TRIM2: variants seen among roughly 807,000 people sequenced by gnomAD.
The protein encoded by TRIM2 is tripartite motif-containing protein 2.
Under a neutral mutation model 75.2 loss-of-function variants are expected in TRIM2, and 20 were observed. That is an observed-to-expected ratio of 0.27 (90% CI 0.19 to 0.39). The LOEUF (loss-of-function observed/expected upper bound fraction) is 0.39. TRIM2 is among the 10% of genes least tolerant of loss of function. The probability of loss-of-function intolerance (pLI) is 1.00; values close to 1 mark genes in which losing one functional copy is unlikely to be tolerated. For missense variants in TRIM2, 660 were observed against 990.8 expected, an observed-to-expected ratio of 0.67 and a Z score of 4.48; for synonymous variants, 373 against 388.3, an observed-to-expected ratio of 0.96 and a Z score of 0.46.
intron 1 of TRIM2, among the ~76,000 whole-genome samples, chr4:153,194,558 G>A (rs1733568309): frequency 6.6e-6 from 1 of 152,182 alleles, no homozygotes; most frequent in African/African-American, 2.4e-5. Context: ...AAACGGGTCA[G>A]TGGATGCTTG....
intron 11 of TRIM2, among the ~76,000 whole-genome samples, chr4:153,331,276 T>C (rs1771419206): frequency 6.6e-6 from 1 of 152,156 alleles, no homozygotes; most frequent in Non-Finnish European, 1.5e-5. Context: ...TGAGCTATGA[T>C]TGTGCTACTG....
chr4:153,166,066 C>T (rs954283144), intron 1 of TRIM2, among the ~76,000 whole-genome samples: 1 of 152,048 alleles, frequency 6.6e-6, no homozygotes, highest in South Asian at 2.1e-4. Flanking sequence ...CCGTTGAAAT[C>T]TTTTCTTTTC....
chr4:153,305,310 C>T (rs1368185010), intron 6 of TRIM2, among the ~76,000 whole-genome samples: 2 of 151,892 alleles, frequency 1.3e-5, no homozygotes, highest in Non-Finnish European at 2.9e-5. Flanking sequence ...TTAATTAACA[C>T]CAAAAAAAGC....
chr4:153,209,070 C>G (rs1179432540), intron 1 of TRIM2, among the ~76,000 whole-genome samples: 1 of 152,144 alleles, frequency 6.6e-6, no homozygotes, highest in African/African-American at 2.4e-5. Flanking sequence ...AAACTGAGGT[C>G]CAGCAGCCAA....
intron 1 of TRIM2, among the ~76,000 whole-genome samples, chr4:153,193,474 A>G (rs375702107): frequency 6.6e-6 from 1 of 152,172 alleles, no homozygotes; most frequent in African/African-American, 2.4e-5. Context: ...TGCAAGTAGA[A>G]TTCTTTGTGG....
At chr4:153,329,040 T>A (rs1455019848) in intron 11 of TRIM2, among the ~76,000 whole-genome samples, 1 of 152,206 alleles carries the variant, frequency 6.6e-6, no homozygotes, top group Non-Finnish European at 1.5e-5. Context: ...TGCCTATGAC[T>A]TTGTCACCAA....
chr4:153,156,284 CT>C (rs1221666310), intron 1 of TRIM2, among the ~76,000 whole-genome samples: 1 of 152,142 alleles, frequency 6.6e-6, no homozygotes, highest in African/African-American at 2.4e-5. Context: ...TGGCCTCAGT[CT>C]TTTTAAAGGC....
At chr4:153,304,921 C>T (rs1276161542) in intron 6 of TRIM2, among the ~76,000 whole-genome samples, 1 of 152,102 alleles carries the variant, frequency 6.6e-6, no homozygotes, top group Non-Finnish European at 1.5e-5. Context: ...AACCTGGAGG[C>T]ATTATAGGAG....
chr4:153,199,819 G>A (rs140646961), upstream of TRIM2, among the ~76,000 whole-genome samples: 18 of 152,076 alleles, frequency 1.2e-4, 1 homozygote, highest in East Asian at 3.5e-3. Flanking sequence ...TGTTGCCCAG[G>A]CTGAAGTGTA....
intron 1 of TRIM2, among the ~76,000 whole-genome samples, chr4:153,254,205 G>A (rs1020577140): frequency 6.6e-6 from 1 of 152,206 alleles, no homozygotes; most frequent in Non-Finnish European, 1.5e-5. Flanking sequence ...TAGGCAGACT[G>A]TATATAAAGT....
rs142536624 is a variant in TRIM2, at chr4:153,259,267, A to C, written c.31-11068A>C. On this transcript the variant is annotated intron_variant, in intron 1 of 11. Transcript: ENST00000338700. ...TTTTTTTTATTATAACAAAAGCTTC[A>C]TGGATTTTGTTGCTTGTGAAATAAA... Among the ~76,000 whole-genome samples the C allele has an allele frequency of 3.9e-4, 60 of 152,288 alleles. 1 individual carries two copies. The East Asian group carries it at 0.011, about 28-fold the overall frequency.
At chr4:153,244,421 TTC>T (rs1748398912) in intron 1 of TRIM2, among the ~76,000 whole-genome samples, 2 of 89,096 alleles carry the variant, frequency 2.2e-5, no homozygotes, top group Non-Finnish European at 4.7e-5. Context: ...CTTCTTCTTC[TTC>T]TTCTTCTTCT....
At chr4:153,154,268 A>G (rs1729016194) in intron 1 of TRIM2, among the ~76,000 whole-genome samples, 1 of 152,080 alleles carries the variant, frequency 6.6e-6, no homozygotes, top group African/African-American at 2.4e-5. Flanking sequence ...CTGAAGTCTA[A>G]CTACTGCAGT....
At chr4:153,284,715 G>A (rs1470145864) in intron 3 of TRIM2, among the ~76,000 whole-genome samples, 1 of 152,114 alleles carries the variant, frequency 6.6e-6, no homozygotes, top group Non-Finnish European at 1.5e-5. Context: ...ATATTTTCAT[G>A]TGCTAATTGA....
intron 1 of TRIM2, among the ~76,000 whole-genome samples, chr4:153,173,396 G>T (rs1320954972): frequency 1.3e-5 from 2 of 152,108 alleles, no homozygotes; most frequent in African/African-American, 4.8e-5. Flanking sequence ...AGACACAGTG[G>T]CTCACACCTG....
chr4:153,328,736 G>A, intron 11 of TRIM2, 66 bp downstream of exon 11: 2 of 1,471,544 alleles, frequency 1.4e-6, no homozygotes, highest in South Asian at 1.5e-5. Context: ...AGAATTTGCT[G>A]TCCCCCAAAC....
chr4:153,293,417 G>C (rs1762205727), intron 4 of TRIM2, among the ~76,000 whole-genome samples: 1 of 152,202 alleles, frequency 6.6e-6, no homozygotes. Flanking sequence ...CTGCTCTCAG[G>C]AGAGTTCTGA....
At chr4:153,328,911 T>C (rs1770840010) in intron 11 of TRIM2, among the ~76,000 whole-genome samples, 1 of 152,180 alleles carries the variant, frequency 6.6e-6, no homozygotes, top group East Asian at 1.9e-4. Context: ...GGTCTGAAGA[T>C]AGAATTCAAG....
rs112734688 is a variant in TRIM2 at position 153,247,968 on chromosome 4, T to TA, written c.31-22366dup. Among the ~76,000 whole-genome samples the TA allele has an allele frequency of 3.0e-3, 460 of 151,582 alleles. 1 individual carries two copies. Among genetic ancestry groups the TA allele is most frequent in the African/African-American group, 0.011 (437 of 41,286 alleles). On this transcript the variant is annotated intron_variant, in intron 1 of 11. Transcript: ENST00000338700. ...AGTAATAATTTATGTTCTGACTGCT[T>TA]ATGATGCATCAGGCATTGGATCATG...
Sources: allele counts gnomAD v4.1 joint callset (sites outside exome capture counted in the v4.1 genomes callset), GRCh38; gene constraint gnomAD v4.1.1; transcripts MANE v1.5; gene names NCBI Gene and HGNC (gene_info 2026-07-23, HGNC 2026-07-21).